Variants in FAM91A1 observed in about 807,000 individuals in gnomAD.
FAM91A1 encodes the protein family with sequence similarity 91 member A1.
Under a neutral mutation model 113.5 loss-of-function variants are expected in FAM91A1, and 41 were observed. The ratio of observed to expected loss-of-function variants is 0.36; its 90% CI spans 0.28 to 0.47. The LOEUF (loss-of-function observed/expected upper bound fraction) is 0.47, where lower values mean the gene tolerates loss of function less well. Ranked by LOEUF, FAM91A1 falls within the 20% of genes least tolerant of loss-of-function variation. FAM91A1 has a pLI of 1.00. For synonymous variants in FAM91A1, 307 were observed against 347.9 expected, an observed-to-expected ratio of 0.88 and a Z score of 1.31; for missense variants, 696 against 1,001.2, an observed-to-expected ratio of 0.70 and a Z score of 4.11.
intron 11 of FAM91A1, 71 bp downstream of exon 11, chr8:123,785,812 AATTT>A (rs971904598): frequency 2.7e-4 from 218 of 816,502 alleles, no homozygotes; most frequent in East Asian, 3.4e-4. Flanking sequence ...TACATACATA[AATTT>A]ATTTATTTAT....
intron 4 of FAM91A1, among the ~76,000 whole-genome samples, chr8:123,777,626 A>T (rs1443499049): frequency 6.6e-6 from 1 of 152,212 alleles, no homozygotes; most frequent in East Asian, 1.9e-4. Flanking sequence ...GTGGGAGGAA[A>T]ACTTGTGCAC....
chr8:123,799,930 G>A lies in FAM91A1; in HGVS notation c.1809+45G>A, dbSNP rs1815634649. 5.5e-6 allele frequency: 8 copies of A among 1,459,176 alleles called. No homozygotes were observed. The East Asian group carries it at 1.4e-4, about 26-fold the overall frequency. The allele number at this position is 1,459,176 out of a possible 1,614,324, so 90.4% of individuals were successfully genotyped here. On this transcript the variant is annotated intron_variant, in intron 18 of 23. Transcript: ENST00000334705. Reference sequence around the variant, plus strand: ...AATTTTGTCTTTTTATTATAAAGTTGATAATTTTTCTAGCTTTCTATATTG... The same window carrying A: ...AATTTTGTCTTTTTATTATAAAGTTAATAATTTTTCTAGCTTTCTATATTG...
At position 123,778,013 on chromosome 8, in the gene FAM91A1, T is replaced by TC; in HGVS notation, c.368-11dup. 1 of 1,608,580 alleles carries TC rather than the reference T, an allele frequency of 6.2e-7. No individual in the cohort carries two copies. The highest frequency in any genetic ancestry group is 1.1e-5 in the South Asian group (1 of 90,790). ...TGTTAAATGTTTTTAAAGGAAAGAC[T>TC]CTTTTTTTCAGGTCTAAGGCTTCTT... On this transcript the variant is annotated splice_polypyrimidine_tract_variant and intron_variant, in intron 4 of 23. Transcript: ENST00000334705.
intron 16 of FAM91A1, 127 bp from the exon 17 acceptor site, chr8:123,799,393 A>G (rs1815621412): frequency 2.5e-6 from 2 of 799,782 alleles, no homozygotes; most frequent in South Asian, 2.3e-5. Context: ...TGAAACATTT[A>G]AAGTTATTTT....
At chr8:123,797,067 T>C (rs949232276) in intron 15 of FAM91A1, among the ~76,000 whole-genome samples, 10 of 151,130 alleles carry the variant, frequency 6.6e-5, no homozygotes, top group Non-Finnish European at 1.3e-4. Context: ...CTCAAAAAAA[T>C]AAATAAATAA....
chr8:123,802,280 G>A (rs1202823545), intron 18 of FAM91A1, among the ~76,000 whole-genome samples: 3 of 152,168 alleles, frequency 2.0e-5, no homozygotes, highest in African/African-American at 4.8e-5. Context: ...AAGGAAAAAT[G>A]GATTTAAGAA....
At position 123,815,347 on chromosome 8, in the gene FAM91A1, A is replaced by G. The variant is rs1354116681; in HGVS notation, c.*2643A>G. ...GTACAGTGGATCGTTTTCTGTTAGG[A>G]TGTTAATATTATACAATGAAATCTA... is the stretch of plus-strand genomic sequence containing the variant. On this transcript the variant is annotated 3_prime_UTR_variant, in exon 24 of 24. Coordinates refer to ENST00000334705, the MANE Select transcript of FAM91A1 (RefSeq NM_144963.4). 6.6e-6 allele frequency: 1 copy of G among 152,516 alleles called. No individual in the cohort carries two copies. The highest frequency in any genetic ancestry group is 1.5e-5 in the Non-Finnish European group (1 of 68,016). The allele number at this position is 152,516 out of a possible 1,614,324, so 9.4% of individuals were successfully genotyped here.
At chr8:123,785,173 C>A in intron 10 of FAM91A1, 54 bp downstream of exon 10, 1 of 1,377,670 alleles carries the variant, frequency 7.3e-7, no homozygotes, top group Non-Finnish European at 9.9e-7. Context: ...GTGGATTTTA[C>A]TAGTAGATTT....
intron 6 of FAM91A1, among the ~76,000 whole-genome samples, chr8:123,779,716 A>G (rs140842607): frequency 2.0e-5 from 3 of 152,344 alleles, no homozygotes; most frequent in East Asian, 1.9e-4. Flanking sequence ...TCTAATTCCA[A>G]TTCAATCACA....
At chr8:123,809,562 G>T (rs1815899800) in intron 22 of FAM91A1, among the ~76,000 whole-genome samples, 1 of 152,194 alleles carries the variant, frequency 6.6e-6, no homozygotes, top group African/African-American at 2.4e-5. Context: ...AGGCAATGTT[G>T]TAAAGGTTCT....
In FAM91A1 at chr8:123,778,679, A is replaced by G. The variant is rs1815045719; in HGVS notation, c.456A>G (p.Thr152=). The change falls in exon 6 of 24, where the codon ACA becomes ACG. Residue 152 remains threonine (T), a synonymous_variant. Transcript: ENST00000334705. ...RSSKKFFRRK[T]ARDLLPIKPV... is the part of the protein sequence containing the mutation. ...TGCAGAAATTCTTCAGAAGGAAAAC[A>G]GCCCGTGATCTTCTACCAATAAAGC... 6.2e-7 allele frequency: 1 copy of G among 1,610,672 alleles called. No homozygotes were observed. Among genetic ancestry groups the G allele is most frequent in the Non-Finnish European group, 8.5e-7 (1 of 1,179,090 alleles).
At position 123,778,781 on chromosome 8, in the gene FAM91A1, C is replaced by A; in HGVS notation, c.549+9C>A. The A allele has an allele frequency of 1.4e-6, 2 of 1,455,512 alleles. No homozygotes were observed. The highest frequency in any genetic ancestry group is 1.8e-6 in the Non-Finnish European group (2 of 1,094,984). The allele number at this position is 1,455,512 out of a possible 1,614,324, so 90.2% of individuals were successfully genotyped here. A position where few individuals can be genotyped will look rare whatever the true frequency, so the allele number is the denominator to read the frequency against. ...CAGAAGATGACATCAAGGTAGAAAT[C>A]TTTAAAAGTTAAACATAGAATTTTT... On this transcript the variant is annotated intron_variant, in intron 6 of 23. Transcript: ENST00000334705.
intron 8 of FAM91A1, among the ~76,000 whole-genome samples, chr8:123,782,762 G>T (rs1742683382): frequency 6.6e-6 from 1 of 152,170 alleles, no homozygotes; most frequent in Non-Finnish European, 1.5e-5. Flanking sequence ...ACAAATGCTA[G>T]CACTGTTTCA....
intron 6 of FAM91A1, among the ~76,000 whole-genome samples, chr8:123,779,387 C>T (rs1213354213): frequency 6.6e-6 from 1 of 152,068 alleles, no homozygotes; most frequent in African/African-American, 2.4e-5. Flanking sequence ...AGTGGTCAGA[C>T]CACATCTTAG....
chr8:123,775,347 G>T (rs185534486), intron 3 of FAM91A1, 49 bp downstream of exon 3: 2 of 1,580,920 alleles, frequency 1.3e-6, no homozygotes, highest in East Asian at 4.5e-5. Flanking sequence ...GGGACTACAT[G>T]TCTGGGACTT....
At position 123,785,172 on chromosome 8, in the gene FAM91A1, A is replaced by C. The variant is rs546150166; in HGVS notation, c.849+53A>C. Reference sequence around the variant, plus strand: ...GTGATGTGATAACTGAGTGGATTTTACTAGTAGATTTTTATCTTGATAAGC... The same window carrying C: ...GTGATGTGATAACTGAGTGGATTTTCCTAGTAGATTTTTATCTTGATAAGC... On this transcript the variant is annotated intron_variant, in intron 10 of 23. Transcript: ENST00000334705. 4 of 1,385,022 alleles carry C rather than the reference A, an allele frequency of 2.9e-6. No homozygotes were observed. In the African/African-American group the frequency reaches 5.9e-5, roughly 20 times the overall value. 85.8% of individuals were successfully genotyped at this position (1,385,022 alleles called of 1,614,324 possible).
Position 123,808,968 on chromosome 8 carries a change from G to A in FAM91A1, c.2213G>A (p.Arg738Gln), listed in dbSNP as rs773531913. Residue 738 changes from arginine (R) to glutamine (Q), a missense_variant, in exon 22 of 24, where the codon CGG (arginine) becomes CAG (glutamine). Transcript: ENST00000334705. ...CCACTGTTCAGTTCCGAATTAAACCGGAAAGTTTGTAGGAAAATTGCTGCA... is the reference window on the plus strand; with the variant it reads ...CCACTGTTCAGTTCCGAATTAAACCAGAAAGTTTGTAGGAAAATTGCTGCA... ...GIPLFSSELN[R>Q]KVCRKIAAHG... 2.5e-5 allele frequency: 40 copies of A among 1,612,904 alleles called. No individual in the cohort carries two copies. In the African/African-American group the frequency reaches 2.7e-4, roughly 11 times the overall value.
At chr8:123,776,667 A>G (rs1342025831) in intron 3 of FAM91A1, among the ~76,000 whole-genome samples, 1 of 152,170 alleles carries the variant, frequency 6.6e-6, no homozygotes, top group Non-Finnish European at 1.5e-5. Context: ...AGTTACATCC[A>G]CATGGTTGCT....
chr8:123,784,992 G>A, intron 9 of FAM91A1, 89 bp from the exon 10 acceptor site: 2 of 902,360 alleles, frequency 2.2e-6, no homozygotes, highest in Non-Finnish European at 3.3e-6. Context: ...TTAAAATTTT[G>A]CTGATTATGA....
Sources: gnomAD v4.1 joint callset for allele counts (sites outside exome capture counted in the v4.1 genomes callset) on GRCh38, gnomAD v4.1.1 for gene constraint, MANE v1.5 for transcripts, NCBI Gene and HGNC (gene_info 2026-07-23, HGNC 2026-07-21) for gene names.